The following OLFM2 variants were observed in gnomAD, a reference collection of about 807,000 sequenced individuals.
OLFM2 encodes noelin-2.
Under a neutral mutation model 43.9 loss-of-function variants are expected in OLFM2, and 20 were observed. The ratio of observed to expected loss-of-function variants is 0.46; its 90% confidence interval spans 0.32 to 0.66. The LOEUF is 0.66. Ranked by LOEUF, OLFM2 falls within the 30% of genes least tolerant of loss-of-function variation. OLFM2 has a pLI of 0.04. For synonymous variants in OLFM2, 268 were observed against 278.6 expected (o/e 0.96, Z 0.38); for missense variants, 416 against 643.6 (o/e 0.65, Z 3.83).
chr19:9,864,065 C>T (rs2046383114), intron 1 of OLFM2, among the ~76,000 whole-genome samples: 2 of 152,214 alleles, frequency 1.3e-5, no homozygotes, highest in African/African-American at 4.8e-5. Flanking sequence ...CAAGAGCTTT[C>T]TCTGGTGGTC....
At chr19:9,931,732 T>C in intron 1 of OLFM2, among the ~76,000 whole-genome samples, 1 of 146,584 alleles carries the variant, frequency 6.8e-6, no homozygotes. Flanking sequence ...AAAAAAGAAA[T>C]AAAAAGAAAA....
chr19:9,926,940 G>A (rs376415319), intron 1 of OLFM2, among the ~76,000 whole-genome samples: 8 of 151,982 alleles, frequency 5.3e-5, no homozygotes, highest in South Asian at 2.1e-4. Flanking sequence ...AGCTGTGATC[G>A]CGTCACTGCA....
intron 1 of OLFM2, 69 bp from the exon 2 acceptor site, chr19:9,860,863 A>G (rs921333690): frequency 8.8e-6 from 13 of 1,471,532 alleles, no homozygotes; most frequent in Non-Finnish European, 1.2e-5. Context: ...CTGGGACAGG[A>G]AGGGGGCCCA....
intron 1 of OLFM2, chr19:9,913,811 T>G: frequency 2.5e-6 from 1 of 399,646 alleles, no homozygotes; most frequent in Non-Finnish European, 3.4e-6. Flanking sequence ...TCGGCGCGCC[T>G]GGCGGGCTCC....
At chr19:9,866,827 G>A (rs1418743608) in intron 1 of OLFM2, among the ~76,000 whole-genome samples, 1 of 152,130 alleles carries the variant, frequency 6.6e-6, no homozygotes, top group African/African-American at 2.4e-5. Context: ...TGAGCTCTTG[G>A]TTCAGGGTTT....
chr19:9,878,252 T>G (rs1034921680), intron 1 of OLFM2, among the ~76,000 whole-genome samples: 5 of 152,036 alleles, frequency 3.3e-5, no homozygotes, highest in Admixed American at 6.6e-5. Context: ...GAATTGCCTA[T>G]GGAATAAAAA....
At chr19:9,878,679 A>G (rs1599476420) in intron 1 of OLFM2, among the ~76,000 whole-genome samples, 1 of 152,076 alleles carries the variant, frequency 6.6e-6, no homozygotes, top group Non-Finnish European at 1.5e-5. Context: ...CTCAGGAAAT[A>G]CCAGTGGCTG....
At chr19:9,878,381 C>CTTTTTTT (rs34231833) in intron 1 of OLFM2, among the ~76,000 whole-genome samples, 13 of 57,670 alleles carry the variant, frequency 2.3e-4, no homozygotes, top group African/African-American at 4.4e-4. Context: ...TCATTTCTCT[C>CTTTTTTT]TTTTTTTTTT....
chr19:9,870,288 C>T (rs769466959), intron 1 of OLFM2, among the ~76,000 whole-genome samples: 4 of 152,202 alleles, frequency 2.6e-5, no homozygotes, highest in South Asian at 4.1e-4. Flanking sequence ...TGAGGTCAAA[C>T]GGTGTGAGTC....
At chr19:9,883,874 C>T (rs1447305592) in intron 1 of OLFM2, among the ~76,000 whole-genome samples, 2 of 152,138 alleles carry the variant, frequency 1.3e-5, no homozygotes, top group East Asian at 1.9e-4. Flanking sequence ...CCTCATGGTG[C>T]GCCAGTTTCC....
At chr19:9,883,693 G>A (rs1406889146) in intron 1 of OLFM2, among the ~76,000 whole-genome samples, 1 of 152,144 alleles carries the variant, frequency 6.6e-6, no homozygotes, top group African/African-American at 2.4e-5. Flanking sequence ...ACGCACTTCA[G>A]TATCACCTCT....
intron 1 of OLFM2, among the ~76,000 whole-genome samples, chr19:9,899,267 T>C (rs1463431988): frequency 1.4e-5 from 2 of 143,344 alleles, no homozygotes; most frequent in Non-Finnish European, 3.0e-5. Flanking sequence ...TCCATCTCAA[T>C]TAAAAAAAAA....
chr19:9,914,877 C>T (rs2046862819), intron 1 of OLFM2, among the ~76,000 whole-genome samples: 1 of 152,028 alleles, frequency 6.6e-6, no homozygotes, highest in African/African-American at 2.4e-5. Context: ...CCTCAGCCCG[C>T]GGCCGCCGCC....
intron 1 of OLFM2, among the ~76,000 whole-genome samples, chr19:9,929,056 GA>G (rs966191873): frequency 7.2e-5 from 11 of 151,734 alleles, no homozygotes; most frequent in African/African-American, 2.4e-4. Flanking sequence ...ATCTCAAAAA[GA>G]AAAAAAGAGA....
At chr19:9,884,304 A>G (rs1243271417) in intron 1 of OLFM2, among the ~76,000 whole-genome samples, 1 of 150,712 alleles carries the variant, frequency 6.6e-6, no homozygotes, top group Non-Finnish European at 1.5e-5. Context: ...AAGCCCAGGC[A>G]CAGTGGCTCA....
chr19:9,877,857 AATTG>A (rs1284051462), intron 1 of OLFM2, among the ~76,000 whole-genome samples: 4 of 152,100 alleles, frequency 2.6e-5, no homozygotes, highest in African/African-American at 7.2e-5. Flanking sequence ...AAGATTAATT[AATTG>A]ATTATTTTAC....
chr19:9,878,509 C>G (rs1233499856), intron 1 of OLFM2, among the ~76,000 whole-genome samples: 2 of 150,878 alleles, frequency 1.3e-5, no homozygotes, highest in Non-Finnish European at 2.9e-5. Context: ...CCTGTCTCAG[C>G]CTCCCTAGTA....
intron 1 of OLFM2, among the ~76,000 whole-genome samples, chr19:9,874,836 A>G (rs569054297): frequency 5.3e-5 from 8 of 151,570 alleles, no homozygotes; most frequent in African/African-American, 1.7e-4. Context: ...CTGGTCTTGA[A>G]CTCCTGAGCT....
chr19:9,882,042 T>C (rs1181128614), intron 1 of OLFM2, among the ~76,000 whole-genome samples: 2 of 151,680 alleles, frequency 1.3e-5, no homozygotes, highest in Non-Finnish European at 2.9e-5. Context: ...TACTTGAGAC[T>C]AGCCTGGGCA....
Sources: gnomAD v4.1 joint callset for allele counts (sites outside exome capture counted in the v4.1 genomes callset) on GRCh38, gnomAD v4.1.1 for gene constraint, MANE v1.5 for transcripts, NCBI Gene and HGNC (gene_info 2026-07-23, HGNC 2026-07-21) for gene names.